The following UBE3C variants were observed in gnomAD, a reference collection of about 807,000 sequenced individuals.
UBE3C encodes the protein ubiquitin-protein ligase E3C.
Under a neutral mutation model 129.4 loss-of-function variants are expected in UBE3C, and 42 were observed. That is an observed-to-expected ratio of 0.32 (90% CI 0.25 to 0.42). The LOEUF is 0.42. Among genes scored for constraint, UBE3C ranks in the 10% least tolerant of loss-of-function variants. The probability of loss-of-function intolerance (pLI) is 1.00; values close to 1 mark genes in which losing one functional copy is unlikely to be tolerated. For synonymous variants in UBE3C, 510 were observed against 492.4 expected, an observed-to-expected ratio of 1.04 and a Z score of -0.47; for missense variants, 1,049 against 1,319.1, an observed-to-expected ratio of 0.80 and a Z score of 3.17.
At chr7:157,164,829 T>C (rs1332546709) in intron 2 of UBE3C, among the ~76,000 whole-genome samples, 2 of 152,244 alleles carry the variant, frequency 1.3e-5, no homozygotes, top group East Asian at 3.9e-4. Flanking sequence ...TGACAAAACC[T>C]GTGAGGGCCA....
In UBE3C at chr7:157,220,724, G is replaced by A; in HGVS notation, c.1950G>A (p.Val650=). The part of the protein sequence containing the change: ...TQLYVPASRH[V]WRFRRMGRIG... ...TCTATGTGCCAGCATCCAGACATGT[G>A]TGGAGGTTCCGGCGGATGGGGAGGA... Residue 650 remains valine, a synonymous_variant, in exon 15 of 23, where the codon GTG becomes GTA. Transcript: ENST00000348165. 1 of 1,614,232 alleles carries A rather than the reference G, an allele frequency of 6.2e-7. No individual in the cohort carries two copies. The highest frequency in any genetic ancestry group is 8.5e-7 in the Non-Finnish European group (1 of 1,180,028).
At chr7:157,247,396 A>T (rs1377407991) in intron 18 of UBE3C, among the ~76,000 whole-genome samples, 4 of 152,200 alleles carry the variant, frequency 2.6e-5, no homozygotes, top group Non-Finnish European at 5.9e-5. Context: ...TATTGTCTTT[A>T]TTAGAAAACT....
intron 5 of UBE3C, among the ~76,000 whole-genome samples, chr7:157,177,634 G>C (rs1178313274): frequency 6.6e-6 from 1 of 152,248 alleles, no homozygotes; most frequent in Admixed American, 6.5e-5. Context: ...GTGTGGTGCT[G>C]AGGGGAAAGT....
chr7:157,228,644 C>G (rs1795940314), intron 17 of UBE3C, among the ~76,000 whole-genome samples: 1 of 152,180 alleles, frequency 6.6e-6, no homozygotes, highest in African/African-American at 2.4e-5. Context: ...ACCTGATTCC[C>G]AAGGGTGACA....
At chr7:157,182,760 C>CTG (rs746226528) in intron 8 of UBE3C, among the ~76,000 whole-genome samples, 11 of 148,542 alleles carry the variant, frequency 7.4e-5, no homozygotes, top group Non-Finnish European at 1.2e-4. Flanking sequence ...GGGTTGGGTG[C>CTG]GGGGGGGTAT....
intron 10 of UBE3C, among the ~76,000 whole-genome samples, chr7:157,198,754 C>T (rs537890412): frequency 6.6e-6 from 1 of 152,240 alleles, no homozygotes; most frequent in Non-Finnish European, 1.5e-5. Flanking sequence ...AGGCTGGTCT[C>T]GAACCCCTGA....
At chr7:157,218,633 C>G (rs1489988439) in intron 14 of UBE3C, among the ~76,000 whole-genome samples, 1 of 152,194 alleles carries the variant, frequency 6.6e-6, no homozygotes, top group African/African-American at 2.4e-5. Context: ...GTGAACAGTT[C>G]TGGGGCCCAG....
intron 1 of UBE3C, among the ~76,000 whole-genome samples, chr7:157,153,503 C>G (rs1162763460): frequency 6.6e-6 from 1 of 152,054 alleles, no homozygotes; most frequent in Non-Finnish European, 1.5e-5. Context: ...ACGGCGTTGC[C>G]CAGGCTGGTC....
intron 11 of UBE3C, 92 bp downstream of exon 11, chr7:157,201,899 G>A (rs1809296352): frequency 2.0e-6 from 2 of 1,002,784 alleles, no homozygotes; most frequent in South Asian, 1.4e-5. Context: ...TTTAAGTCCT[G>A]TTTATACTGG....
At chr7:157,176,835 A>G (rs947921236) in intron 5 of UBE3C, among the ~76,000 whole-genome samples, 1 of 152,088 alleles carries the variant, frequency 6.6e-6, no homozygotes, top group Non-Finnish European at 1.5e-5. Flanking sequence ...TTCTCTAAGG[A>G]GCACTGATTC....
At chr7:157,257,190 G>A (rs1796773819) in intron 22 of UBE3C, 146 bp downstream of exon 22, 3 of 1,187,530 alleles carry the variant, frequency 2.5e-6, no homozygotes, top group South Asian at 1.7e-5. Flanking sequence ...TGGTTATGAT[G>A]TATATATTTT....
At position 157,267,849 on chromosome 7, in the gene UBE3C, T is replaced by G. The variant is rs1209016990; in HGVS notation, c.*94T>G. Reference sequence around the variant, plus strand: ...CACGAGGATACTCACACTGCACGCCTGAGGCTCTCCTAAGCTCCTTCTTTC... The same window carrying G: ...CACGAGGATACTCACACTGCACGCCGGAGGCTCTCCTAAGCTCCTTCTTTC... On this transcript the variant is annotated 3_prime_UTR_variant, in exon 23 of 23. Coordinates refer to ENST00000348165, the MANE Select transcript of UBE3C (RefSeq NM_014671.3). The G allele has an allele frequency of 8.9e-7, 1 of 1,122,412 alleles. No homozygotes were observed. The highest frequency in any genetic ancestry group is 1.6e-5 in the African/African-American group (1 of 62,064). The allele number at this position is 1,122,412 out of a possible 1,614,324, so 69.5% of individuals were successfully genotyped here.
At chr7:157,248,236 C>T (rs999132777) in intron 18 of UBE3C, 132 bp from the exon 19 acceptor site, 2 of 794,468 alleles carry the variant, frequency 2.5e-6, no homozygotes, top group Non-Finnish European at 4.0e-6. Context: ...TATCAGCTTC[C>T]ATCTTCGGTA....
chr7:157,260,321 G>A (rs542024003), intron 22 of UBE3C, among the ~76,000 whole-genome samples: 12 of 152,314 alleles, frequency 7.9e-5, no homozygotes, highest in South Asian at 2.1e-4. Context: ...AAACGCTGCC[G>A]CCTACAAGCA....
At chr7:157,254,930 A>G (rs1040182714) in intron 21 of UBE3C, among the ~76,000 whole-genome samples, 2 of 86,316 alleles carry the variant, frequency 2.3e-5, no homozygotes, top group African/African-American at 1.2e-4. Flanking sequence ...GTGGTGGCGT[A>G]CACCTGCAGT....
At chr7:157,214,904 A>G (rs1185316462) in intron 13 of UBE3C, among the ~76,000 whole-genome samples, 1 of 152,234 alleles carries the variant, frequency 6.6e-6, no homozygotes, top group Admixed American at 6.5e-5. Flanking sequence ...CCTAGGCTGC[A>G]TAAGAAACCA....
chr7:157,162,983 T>A (rs1027611350), intron 1 of UBE3C, among the ~76,000 whole-genome samples: 30 of 152,234 alleles, frequency 2.0e-4, no homozygotes, highest in African/African-American at 7.2e-4. Flanking sequence ...AGTCATTTTG[T>A]TCAAAACTTA....
chr7:157,264,569 TG>T (rs1247498950), intron 22 of UBE3C, among the ~76,000 whole-genome samples: 1 of 152,036 alleles, frequency 6.6e-6, no homozygotes, highest in African/African-American at 2.4e-5. Flanking sequence ...ATGCTCAGCC[TG>T]TTACACACAC....
At chr7:157,180,545 T>C (rs539939209) in intron 6 of UBE3C, among the ~76,000 whole-genome samples, 68 of 152,032 alleles carry the variant, frequency 4.5e-4, no homozygotes, top group Non-Finnish European at 7.8e-4. Context: ...TTTCAAAAAC[T>C]AGCCCATGCA....
Sources: allele counts gnomAD v4.1 joint callset (sites outside exome capture counted in the v4.1 genomes callset), GRCh38; gene constraint gnomAD v4.1.1; transcripts MANE v1.5; gene names NCBI Gene and HGNC (gene_info 2026-07-23, HGNC 2026-07-21).